ADK: variants seen among roughly 807,000 people sequenced by gnomAD.
ADK encodes adenosine kinase, also known as N6,N6-dimethyladenosine kinase.
ADK carries 24 observed loss-of-function variants against 44.7 expected under a neutral mutation model. The observed-to-expected ratio is 0.54, with a 90% CI of 0.39 to 0.76. The LOEUF (loss-of-function observed/expected upper bound fraction) is 0.76, where lower values mean the gene tolerates loss of function less well. ADK is among the 30% of genes least tolerant of loss of function. ADK has a pLI of 0.00. For synonymous variants in ADK, 128 were observed against 142.6 expected (o/e 0.90, Z 0.73); for missense variants, 321 against 425.1 (o/e 0.76, Z 2.15).
intron 9 of ADK, among the ~76,000 whole-genome samples, chr10:74,661,738 T>A (rs764575582): frequency 2.0e-4 from 31 of 152,244 alleles, no homozygotes; most frequent in Non-Finnish European, 4.4e-5. Flanking sequence ...TTAAGTTCAG[T>A]CTTCTCCGTG....
chr10:74,678,097 C>T (rs908285842), intron 10 of ADK, among the ~76,000 whole-genome samples: 2 of 147,740 alleles, frequency 1.4e-5, no homozygotes, highest in African/African-American at 2.5e-5. Context: ...GCTGAGGTCA[C>T]GCCACTGCAC....
chr10:74,549,018 A>G (rs1486103191), intron 7 of ADK, among the ~76,000 whole-genome samples: 3 of 152,212 alleles, frequency 2.0e-5, no homozygotes, highest in African/African-American at 7.2e-5. Context: ...GAACAAAAAC[A>G]GACATGGCTT....
intron 1 of ADK, among the ~76,000 whole-genome samples, chr10:74,169,046 T>A (rs527826564): frequency 1.4e-3 from 220 of 152,194 alleles, no homozygotes; most frequent in African/African-American, 5.0e-3. Context: ...GGCAACATCG[T>A]GAGACCACAT....
At chr10:74,315,735 C>T (rs1294910841) in intron 4 of ADK, among the ~76,000 whole-genome samples, 1 of 152,148 alleles carries the variant, frequency 6.6e-6, no homozygotes, top group African/African-American at 2.4e-5. Flanking sequence ...TTTCAAGTAA[C>T]TCTTAGTTGA....
At chr10:74,673,599 A>G (rs1855262878) in intron 10 of ADK, among the ~76,000 whole-genome samples, 1 of 152,150 alleles carries the variant, frequency 6.6e-6, no homozygotes, top group Non-Finnish European at 1.5e-5. Flanking sequence ...TCCCCAGAGG[A>G]AGCGTTACAG....
At chr10:74,495,783 G>A (rs1360120534) in intron 6 of ADK, among the ~76,000 whole-genome samples, 4 of 152,148 alleles carry the variant, frequency 2.6e-5, no homozygotes, top group Non-Finnish European at 2.9e-5. Context: ...TGGGAATGGG[G>A]TCTGAAAGTT....
At chr10:74,389,036 A>C (rs1843250991) in intron 4 of ADK, among the ~76,000 whole-genome samples, 1 of 152,204 alleles carries the variant, frequency 6.6e-6, no homozygotes, top group Non-Finnish European at 1.5e-5. Flanking sequence ...ATCAGAGATC[A>C]CAGTCCTACC....
intron 6 of ADK, among the ~76,000 whole-genome samples, chr10:74,453,705 T>C (rs957127145): frequency 1.3e-5 from 2 of 152,128 alleles, no homozygotes; most frequent in Non-Finnish European, 2.9e-5. Context: ...AACTATTTCA[T>C]TGATTTCATT....
chr10:74,332,112 C>T (rs1841239662), intron 4 of ADK, among the ~76,000 whole-genome samples: 1 of 152,198 alleles, frequency 6.6e-6, no homozygotes, highest in Admixed American at 6.5e-5. Flanking sequence ...CCCACCTAGG[C>T]CTCCCAAAGT....
At chr10:74,649,618 C>T (rs11001094) in intron 9 of ADK, among the ~76,000 whole-genome samples, 1 of 150,004 alleles carries the variant, frequency 6.7e-6, no homozygotes, top group Non-Finnish European at 1.5e-5. Flanking sequence ...GAGTGAGACT[C>T]TATATCAAAA....
rs147239928 is a variant in ADK at position 74,202,989 on chromosome 10, A to T, written c.140+2151A>T. Among the ~76,000 whole-genome samples, 39 of 152,304 alleles carry T rather than the reference A, an allele frequency of 2.6e-4. 1 individual carries two copies. The East Asian group carries it at 7.1e-3, about 28-fold the overall frequency. On this transcript the variant is annotated intron_variant, in intron 2 of 10. Transcript: ENST00000539909. ...CCATTTTATTTTTCTTTTGTTGCTT[A>T]TGCTTTTGCTGTCATATGTAAGAAT...
chr10:74,589,380 G>C lies in ADK; in HGVS notation c.762+63G>C, dbSNP rs868619429. The stretch of plus-strand genomic sequence containing the variant: ...AAGGTTTTTTCTAGCTGATAATGAA[G>C]TTCTTTTGGACAGTGATTGATGTGC... On this transcript the variant is annotated intron_variant, in intron 8 of 10. Transcript: ENST00000539909. The C allele has an allele frequency of 1.9e-6, 3 of 1,541,208 alleles. No individual in the cohort carries two copies. The East Asian group carries it at 6.7e-5, about 35-fold the overall frequency.
chr10:74,307,661 G>A (rs946794128), intron 3 of ADK, among the ~76,000 whole-genome samples: 12 of 152,092 alleles, frequency 7.9e-5, no homozygotes, highest in African/African-American at 2.9e-4. Context: ...GACATTTTTT[G>A]AAGTTTGCTA....
chr10:74,197,279 A>T (rs140293696), intron 1 of ADK, among the ~76,000 whole-genome samples: 1 of 152,228 alleles, frequency 6.6e-6, no homozygotes, highest in Admixed American at 6.5e-5. Context: ...CCAGTTTATT[A>T]TAAGAATGAC....
At chr10:74,416,033 TACACACACACACACACACAC>T (rs71475283) in intron 6 of ADK, among the ~76,000 whole-genome samples, 1 of 145,332 alleles carries the variant, frequency 6.9e-6, no homozygotes, top group Non-Finnish European at 1.5e-5. Flanking sequence ...CATACATATA[TACACACACACACACACACAC>T]ACACACACAC....
At chr10:74,152,256 G>C (rs1370188334) in intron 1 of ADK, among the ~76,000 whole-genome samples, 1 of 152,170 alleles carries the variant, frequency 6.6e-6, no homozygotes, top group Non-Finnish European at 1.5e-5. Context: ...ACACTTAGGG[G>C]CCTGGTGGTG....
chr10:74,562,278 G>T (rs895004052), intron 7 of ADK, among the ~76,000 whole-genome samples: 1 of 152,032 alleles, frequency 6.6e-6, no homozygotes, highest in Non-Finnish European at 1.5e-5. Context: ...AAATAAATAA[G>T]ACCACATGGC....
chr10:74,536,433 G>C (rs1384963061), intron 7 of ADK, among the ~76,000 whole-genome samples: 1 of 151,476 alleles, frequency 6.6e-6, no homozygotes, highest in African/African-American at 2.4e-5. Flanking sequence ...GATATAACCA[G>C]ATTATAATTA....
At chr10:74,609,129 G>A (rs1852448357) in intron 9 of ADK, among the ~76,000 whole-genome samples, 1 of 152,170 alleles carries the variant, frequency 6.6e-6, no homozygotes, top group South Asian at 2.1e-4. Context: ...AGACTGCTGT[G>A]CTGGCAGCGA....
Sources: gnomAD v4.1 joint callset for allele counts (sites outside exome capture counted in the v4.1 genomes callset) on GRCh38, gnomAD v4.1.1 for gene constraint, MANE v1.5 for transcripts, NCBI Gene and HGNC (gene_info 2026-07-23, HGNC 2026-07-21) for gene names.